MEGF8: variants seen among roughly 807,000 people sequenced by gnomAD.
MEGF8 encodes multiple epidermal growth factor-like domains protein 8.
Under a neutral mutation model 302.9 loss-of-function variants are expected in MEGF8, and 156 were observed. The ratio of observed to expected loss-of-function variants is 0.52; its 90% CI spans 0.45 to 0.59. The LOEUF is 0.59. Ranked by LOEUF, MEGF8 falls within the 20% of genes least tolerant of loss-of-function variation. The pLI is 0.00. For missense variants in MEGF8, 3,345 were observed against 3,964.5 expected (o/e 0.84, Z 4.20); for synonymous variants, 1,621 against 1,660.5 (o/e 0.98, Z 0.58).
rs146692974 is a variant in MEGF8 at position 42,333,800 on chromosome 19, C to T, written c.351+32C>T. The stretch of plus-strand genomic sequence containing the variant: ...GGGGATGGGGCCGTGGCAGATACAC[C>T]GAGGGAAATGGAAGAAGAAAGGAGG... On this transcript the variant is annotated intron_variant, in intron 2 of 41. Coordinates refer to ENST00000251268, the MANE Select transcript of MEGF8 (RefSeq NM_001271938.2). The T allele has an allele frequency of 1.6e-4, 254 of 1,607,206 alleles. 3 individuals carry two copies. The Middle Eastern group carries it at 2.2e-3, about 14-fold the overall frequency.
At chr19:42,347,880 A>C (rs1055588405) in intron 12 of MEGF8, among the ~76,000 whole-genome samples, 5 of 152,016 alleles carry the variant, frequency 3.3e-5, no homozygotes, top group Non-Finnish European at 2.9e-5. Context: ...CTCTTCTGCT[A>C]TTACAAAATC....
At position 42,376,184 on chromosome 19, in the gene MEGF8, T is replaced by TGTCTTCTTCTCC; in HGVS notation, c.7960_7971dup (p.Val2654_Ser2657dup). 3 of 1,610,132 alleles carry TGTCTTCTTCTCC rather than the reference T, an allele frequency of 1.9e-6. No homozygotes were observed. The highest frequency in any genetic ancestry group is 1.7e-6 in the Non-Finnish European group (2 of 1,178,548). On this transcript the variant is annotated inframe_insertion, in exon 42 of 42. Coordinates refer to ENST00000251268, the MANE Select transcript of MEGF8 (RefSeq NM_001271938.2). The surrounding 1 kb of genome is among the most constrained non-coding windows in gnomAD (Gnocchi z 8.2). ...AGGACCAGGCCCACATTGACCTGTT[T>TGTCTTCTTCTCC]GTCTTCTTCTCCGTCTTCTTCTCCT...
At chr19:42,350,068 A>C in intron 14 of MEGF8, 80 bp from the exon 15 acceptor site, 1 of 1,207,170 alleles carries the variant, frequency 8.3e-7, no homozygotes, top group South Asian at 1.4e-5. Context: ...CTGGGCTCCA[A>C]ACCCTTACTT....
rs1478038158 is a variant in MEGF8 at position 42,354,626 on chromosome 19, C to T, written c.4050C>T (p.Phe1350=). 2.0e-5 allele frequency: 33 copies of T among 1,613,056 alleles called. No individual in the cohort carries two copies. Among genetic ancestry groups the T allele is most frequent in the Non-Finnish European group, 2.8e-5 (33 of 1,179,808 alleles). ...YVLAFDGFPR[F]LDTGVVQSDR... Reference sequence around the variant, plus strand: ...TGGCGTTTGATGGATTCCCACGCTTCCTGGACACTGGTGTTGTCCAGTCGG... The same window carrying T: ...TGGCGTTTGATGGATTCCCACGCTTTCTGGACACTGGTGTTGTCCAGTCGG... The change falls in exon 23 of 42, where the codon TTC becomes TTT. Residue 1350 remains phenylalanine, a synonymous_variant. Transcript: ENST00000251268. The surrounding 1 kb of genome is among the most constrained non-coding windows in gnomAD (Gnocchi z 4.3).
At chr19:42,373,891 T>A (rs1030152740) in intron 41 of MEGF8, among the ~76,000 whole-genome samples, 1 of 151,716 alleles carries the variant, frequency 6.6e-6, no homozygotes, top group South Asian at 2.1e-4. Context: ...TTTAAAAAAA[T>A]TTTAAAGACG....
Position 42,370,843 on chromosome 19 carries a change from CGGGGGGGGGGGGGGGGGGGGGG to C in MEGF8, c.7136+20_7136+41del, listed in dbSNP as rs748624378. On this transcript the variant is annotated intron_variant, in intron 40 of 41. Transcript: ENST00000251268. ...GGGAAGTGCACCAAGTAAGAGGAACCGGGGGGGGGGGGGGGGGGGGGGGGGGGGGAGGCCGGGGATCCCACCC... is the reference window on the plus strand; with the variant it reads ...GGGAAGTGCACCAAGTAAGAGGAACCGGGGGGGAGGCCGGGGATCCCACCC... 9 of 132,374 alleles carry C rather than the reference CGGGGGGGGGGGGGGGGGGGGGG, an allele frequency of 6.8e-5. 1 individual carries two copies. Among genetic ancestry groups the C allele is most frequent in the Middle Eastern group, 1.5e-3 (1 of 664 alleles). 8.2% of individuals were successfully genotyped at this position (132,374 alleles called of 1,614,324 possible). A position where few individuals can be genotyped will look rare whatever the true frequency, so the allele number is the denominator to read the frequency against.
intron 14 of MEGF8, among the ~76,000 whole-genome samples, chr19:42,349,908 C>T (rs989460374): frequency 2.0e-5 from 3 of 152,066 alleles, no homozygotes; most frequent in Non-Finnish European, 2.9e-5. Context: ...ATATTTTGAC[C>T]CCCATCTTCT....
At chr19:42,343,845 G>C (rs2039249053) in intron 9 of MEGF8, 109 bp from the exon 10 acceptor site, 4 of 1,456,702 alleles carry the variant, frequency 2.7e-6, no homozygotes, top group East Asian at 4.9e-5. Context: ...AGCACTCAGG[G>C]TCCTCTGGGA....
At position 42,354,014 on chromosome 19, in the gene MEGF8, C is replaced by T. The variant is rs1158787375; in HGVS notation, c.4001C>T (p.Thr1334Ile). 5.7e-6 allele frequency: 9 copies of T among 1,587,100 alleles called. No homozygotes were observed. Among genetic ancestry groups the T allele is most frequent in the Non-Finnish European group, 7.7e-6 (9 of 1,167,380 alleles). Residue 1334 changes from threonine (T) to isoleucine (I), a missense_variant, in exon 22 of 42, where the codon ACC becomes ATC. By Grantham distance (89) the Thr-to-Ile change is moderately conservative. Coordinates refer to ENST00000251268, the MANE Select transcript of MEGF8 (RefSeq NM_001271938.2). The surrounding 1 kb of genome is among the most constrained non-coding windows in gnomAD (Gnocchi z 4.3). ...LTLTFSPDSS[T>I]PCTLSYVLAF... ...CTCACCTTCTCCCCCGACAGCAGCA[C>T]CCCCTGCACGGTGAGCACTGAGGAA...
chr19:42,360,926 G>A lies in MEGF8; in HGVS notation c.5640G>A (p.Leu1880=). The change falls in exon 32 of 42, where the codon CTG becomes CTA. Residue 1880 remains leucine (L), a synonymous_variant. Transcript: ENST00000251268. ...TGCCCCCTGACCCCTGCCGCCTGCT[G>A]TCCTCACCTGAAGCTTGTAACCAGT... ...LTLPPDPCRL[L]SSPEACNQSG... is the part of the protein sequence containing the mutation. 4 of 1,611,282 alleles carry A rather than the reference G, an allele frequency of 2.5e-6. No individual in the cohort carries two copies. The highest frequency in any genetic ancestry group is 3.4e-6 in the Non-Finnish European group (4 of 1,178,436).
Position 42,334,099 on chromosome 19 carries a change from C to A in MEGF8, c.444C>A (p.Ser148Arg). Residue 148 changes from serine to arginine, a missense_variant, in exon 3 of 42, where the codon AGC (serine) becomes AGA (arginine). By Grantham distance (110) the Ser-to-Arg change is moderately radical. Coordinates refer to ENST00000251268, the MANE Select transcript of MEGF8 (RefSeq NM_001271938.2). ...CCCTGTGCCCGGGTGGCTGCCAGAGCCACGGGCAGTGCCAGCCACCGGGTG... is the reference window on the plus strand; with the variant it reads ...CCCTGTGCCCGGGTGGCTGCCAGAGACACGGGCAGTGCCAGCCACCGGGTG... The part of the protein sequence containing the change: ...RFSLCPGGCQ[S>R]HGQCQPPGVC... 1 of 1,613,320 alleles carries A rather than the reference C, an allele frequency of 6.2e-7. No homozygotes were observed. Among genetic ancestry groups the A allele is most frequent in the South Asian group, 1.1e-5 (1 of 91,078 alleles).
chr19:42,357,649 G>A lies in MEGF8; in HGVS notation c.5011+65G>A. On this transcript the variant is annotated intron_variant, in intron 28 of 41. Coordinates refer to ENST00000251268, the MANE Select transcript of MEGF8 (RefSeq NM_001271938.2). The surrounding 1 kb of genome is among the most constrained non-coding windows in gnomAD (Gnocchi z 5.2). ...TCCCGGGCATCTGGGCTTCCTGTGG[G>A]CTCTCCATCCACTGCTGTGCTCTGT... 3 of 1,448,798 alleles carry A rather than the reference G, an allele frequency of 2.1e-6. No individual in the cohort carries two copies. The highest frequency in any genetic ancestry group is 1.9e-6 in the Non-Finnish European group (2 of 1,073,960). The allele number at this position is 1,448,798 out of a possible 1,614,324, so 89.7% of individuals were successfully genotyped here.
At position 42,376,533 on chromosome 19, in the gene MEGF8, G is replaced by A. The variant is rs2039773506; in HGVS notation, c.8296G>A (p.Gly2766Arg). Residue 2766 changes from glycine to arginine, a missense_variant, in exon 42 of 42, where the codon GGG (glycine) becomes AGG (arginine). Coordinates refer to ENST00000251268, the MANE Select transcript of MEGF8 (RefSeq NM_001271938.2). This position sits in a 1 kb window ranked among gnomAD's most constrained non-coding sequence, Gnocchi z 8.2. ...IPATTAGLRA[G>R]PITLEPTEDG... ...CGCCACCACTGCTGGGCTGCGAGCT[G>A]GGCCCATCACTCTCGAGCCCACAGA... 3 of 1,568,252 alleles carry A rather than the reference G, an allele frequency of 1.9e-6. No individual in the cohort carries two copies. Among genetic ancestry groups the A allele is most frequent in the Non-Finnish European group, 2.6e-6 (3 of 1,159,676 alleles).
chr19:42,355,092 G>A (rs1047224965), intron 23 of MEGF8, among the ~76,000 whole-genome samples: 3 of 152,128 alleles, frequency 2.0e-5, no homozygotes, highest in African/African-American at 7.2e-5. Flanking sequence ...GAGTAGCTGG[G>A]ATTACAGGCG....
chr19:42,359,559 T>C (rs1216064619), intron 31 of MEGF8, among the ~76,000 whole-genome samples: 1 of 152,196 alleles, frequency 6.6e-6, no homozygotes, highest in Non-Finnish European at 1.5e-5. Context: ...CTACCAGTCT[T>C]TGCTGTTCAT....
rs765595234 is a variant in MEGF8 at position 42,359,137 on chromosome 19, G to T, written c.5383G>T (p.Asp1795Tyr). 1 of 1,586,924 alleles carries T rather than the reference G, an allele frequency of 6.3e-7. No individual in the cohort carries two copies. Among genetic ancestry groups the T allele is most frequent in the Admixed American group, 1.8e-5 (1 of 56,070 alleles). The change falls in exon 31 of 42, where the codon GAC becomes TAC. Residue 1795 changes from aspartate to tyrosine, a missense_variant. Transcript: ENST00000251268. ...TTTCCACGCCTCAGCCCTGTTAGGG[G>T]ACACCATGGTGGTTCTTGGGGGGCG... ...RLFHASALLG[D>Y]TMVVLGGRSD... is the part of the protein sequence containing the mutation.
In MEGF8 at chr19:42,369,460, T is replaced by A; in HGVS notation, c.6642-71T>A. On this transcript the variant is annotated intron_variant, in intron 37 of 41. Coordinates refer to ENST00000251268, the MANE Select transcript of MEGF8 (RefSeq NM_001271938.2). This position sits in a 1 kb window ranked among gnomAD's most constrained non-coding sequence, Gnocchi z 5.7. ...CCAGTTGAGAAGAGGGTGGGGTAGT[T>A]GGTTGGGTGCTAGGCCATGAAGCCA... The A allele has an allele frequency of 6.7e-7, 1 of 1,487,392 alleles. No homozygotes were observed. The highest frequency in any genetic ancestry group is 9.1e-7 in the Non-Finnish European group (1 of 1,097,854). 92.1% of individuals were successfully genotyped at this position (1,487,392 alleles called of 1,614,324 possible).
At position 42,376,508 on chromosome 19, in the gene MEGF8, C is replaced by T. The variant is rs755400663; in HGVS notation, c.8271C>T (p.Pro2757=). The T allele has an allele frequency of 2.0e-4, 324 of 1,582,750 alleles. No individual in the cohort carries two copies. The highest frequency in any genetic ancestry group is 6.0e-4 in the Admixed American group (33 of 55,148). Residue 2757 remains proline (P), a synonymous_variant, in exon 42 of 42, where the codon CCC becomes CCT. Transcript: ENST00000251268. This position sits in a 1 kb window ranked among gnomAD's most constrained non-coding sequence, Gnocchi z 8.2. ...GGGGCTGCTGCCCACCAGCCATCCC[C>T]GCCACCACTGCTGGGCTGCGAGCTG... is the stretch of plus-strand genomic sequence containing the variant. The part of the protein sequence containing the change: ...MGGGCCPPAI[P]ATTAGLRAGP...
intron 32 of MEGF8, 53 bp from the exon 33 acceptor site, chr19:42,362,037 C>A (rs2039538595): frequency 6.3e-7 from 1 of 1,597,708 alleles, no homozygotes; most frequent in Admixed American, 1.7e-5. Context: ...GTCTGGGAGG[C>A]AGAAGGAGGG....
Sources: gnomAD v4.1 joint callset for allele counts (sites outside exome capture counted in the v4.1 genomes callset) on GRCh38, gnomAD v4.1.1 for gene constraint, Gnocchi (gnomAD v3.1) non-coding constraint, MANE v1.5 for transcripts, NCBI Gene and HGNC (gene_info 2026-07-23, HGNC 2026-07-21) for gene names.